NALF1: variants seen among roughly 807,000 people sequenced by gnomAD.
NALF1 encodes the protein NALCN channel auxiliary factor 1.
In NALF1, 3 loss-of-function variants were observed where a neutral mutation model predicts 48.4. The ratio of observed to expected loss-of-function variants is 0.06; its 90% CI spans 0.03 to 0.16. The LOEUF (loss-of-function observed/expected upper bound fraction) is 0.16. Ranked by LOEUF, NALF1 falls within the 10% of genes least tolerant of loss-of-function variation. The probability of loss-of-function intolerance (pLI) is 1.00; values close to 1 mark genes in which losing one functional copy is unlikely to be tolerated. For synonymous variants in NALF1, 262 were observed against 245.7 expected, an observed-to-expected ratio of 1.07 and a Z score of -0.62; for missense variants, 526 against 571.5, an observed-to-expected ratio of 0.92 and a Z score of 0.81.
At chr13:107,527,833 C>G (rs1876495741) in intron 1 of NALF1, among the ~76,000 whole-genome samples, 1 of 152,018 alleles carries the variant, frequency 6.6e-6, no homozygotes, top group South Asian at 2.1e-4. Context: ...GTGAAGCTTC[C>G]CCAGCCACGT....
At chr13:107,750,012 G>T (rs1373176613) in intron 1 of NALF1, among the ~76,000 whole-genome samples, 1 of 152,068 alleles carries the variant, frequency 6.6e-6, no homozygotes, top group Non-Finnish European at 1.5e-5. Flanking sequence ...TAGAGACAGG[G>T]TTTCACCATC....
chr13:107,228,738 G>C (rs1415812393), intron 1 of NALF1, among the ~76,000 whole-genome samples: 3 of 152,136 alleles, frequency 2.0e-5, no homozygotes, highest in Non-Finnish European at 4.4e-5. Context: ...TCCTGCCTCA[G>C]CCTCATGAGT....
intron 1 of NALF1, among the ~76,000 whole-genome samples, chr13:107,323,276 T>C (rs1200200736): frequency 6.6e-6 from 1 of 152,168 alleles, no homozygotes; most frequent in East Asian, 1.9e-4. Context: ...TTCCTCAGTG[T>C]CTGTTGAATA....
At chr13:107,304,377 A>G (rs1285358551) in intron 1 of NALF1, among the ~76,000 whole-genome samples, 1 of 152,244 alleles carries the variant, frequency 6.6e-6, no homozygotes, top group Non-Finnish European at 1.5e-5. Context: ...AAAGGAGACA[A>G]ATTCACTGAA....
At chr13:107,568,611 A>G (rs1259162152) in intron 1 of NALF1, among the ~76,000 whole-genome samples, 1 of 152,188 alleles carries the variant, frequency 6.6e-6, no homozygotes, top group Non-Finnish European at 1.5e-5. Flanking sequence ...CCAGCATTTA[A>G]TGTTATTCCT....
At position 107,364,612 on chromosome 13, in the gene NALF1, C is replaced by T. The variant is rs553280119; in HGVS notation, c.916-153857G>A. On this transcript the variant is annotated intron_variant, in intron 1 of 2. Coordinates refer to ENST00000375915, the MANE Select transcript of NALF1 (RefSeq NM_001080396.3). Reference sequence around the variant, plus strand: ...CAGTGCAGTGACTGCCATAGAGTACCGACCCAATACACCATGTGTTATAGA... The same window carrying T: ...CAGTGCAGTGACTGCCATAGAGTACTGACCCAATACACCATGTGTTATAGA... Among the ~76,000 whole-genome samples, 5 of 152,180 alleles carry T rather than the reference C, an allele frequency of 3.3e-5. No homozygotes were observed. In the South Asian group the frequency reaches 8.3e-4, roughly 25 times the overall value.
chr13:107,580,566 C>T (rs12864914), intron 1 of NALF1, among the ~76,000 whole-genome samples: 25,644 of 152,138 alleles, frequency 0.17, 2,505 homozygotes, highest in Middle Eastern at 0.27. Context: ...GTCCTCTTTA[C>T]TCTCTCATAT....
At chr13:107,429,102 T>A (rs1392393451) in intron 1 of NALF1, among the ~76,000 whole-genome samples, 1 of 151,998 alleles carries the variant, frequency 6.6e-6, no homozygotes, top group Non-Finnish European at 1.5e-5. Flanking sequence ...GTGGGTGGAT[T>A]ACCTGAGGTC....
intron 1 of NALF1, among the ~76,000 whole-genome samples, chr13:107,384,379 T>C (rs1883491125): frequency 6.6e-6 from 1 of 152,212 alleles, no homozygotes. Context: ...TGGCCTTTAG[T>C]TTTGCTTTTC....
At chr13:107,373,174 C>T (rs1377990299) in intron 1 of NALF1, among the ~76,000 whole-genome samples, 1 of 152,126 alleles carries the variant, frequency 6.6e-6, no homozygotes. Flanking sequence ...AATGTTGGGT[C>T]CCTGTTCTCT....
chr13:107,625,776 C>T (rs1341518291), intron 1 of NALF1, among the ~76,000 whole-genome samples: 2 of 152,068 alleles, frequency 1.3e-5, no homozygotes, highest in East Asian at 3.9e-4. Flanking sequence ...ACTACACCAA[C>T]AAAACCTGTT....
chr13:107,838,920 G>A (rs756361937), intron 1 of NALF1, among the ~76,000 whole-genome samples: 10 of 152,078 alleles, frequency 6.6e-5, no homozygotes, highest in Non-Finnish European at 1.3e-4. Context: ...TCTAGCAAGT[G>A]GAGGATTAAC....
At chr13:107,656,297 A>C (rs1242917425) in intron 1 of NALF1, among the ~76,000 whole-genome samples, 1 of 152,144 alleles carries the variant, frequency 6.6e-6, no homozygotes, top group Non-Finnish European at 1.5e-5. Flanking sequence ...CAAAGAACTC[A>C]AAATAATCAG....
chr13:107,646,242 C>T (rs547245247), intron 1 of NALF1, among the ~76,000 whole-genome samples: 54 of 151,650 alleles, frequency 3.6e-4, no homozygotes, highest in African/African-American at 1.2e-3. Context: ...TTAACACTTC[C>T]TATCCTGTAC....
intron 1 of NALF1, among the ~76,000 whole-genome samples, chr13:107,291,052 A>ACATTGTAC (rs1881610933): frequency 6.6e-6 from 1 of 151,488 alleles, no homozygotes; most frequent in South Asian, 2.1e-4. Context: ...TTAATTAACA[A>ACATTGTAC]CATTGTACCT....
intron 1 of NALF1, among the ~76,000 whole-genome samples, chr13:107,756,225 T>C (rs924336697): frequency 6.6e-6 from 1 of 152,090 alleles, no homozygotes. Flanking sequence ...CAAAACCAAA[T>C]GTTAATTCAC....
intron 1 of NALF1, among the ~76,000 whole-genome samples, chr13:107,473,951 G>A (rs1431660181): frequency 6.6e-6 from 1 of 152,076 alleles, no homozygotes; most frequent in African/African-American, 2.4e-5. Context: ...TATGAACAAG[G>A]AGTGTTAGGA....
intron 1 of NALF1, among the ~76,000 whole-genome samples, chr13:107,379,523 G>A (rs1252536071): frequency 1.3e-5 from 2 of 152,120 alleles, no homozygotes; most frequent in African/African-American, 2.4e-5. Context: ...TTGGGGCAAC[G>A]TCAAAGGAAT....
At chr13:107,818,662 G>C (rs985466029) in intron 1 of NALF1, among the ~76,000 whole-genome samples, 6 of 149,722 alleles carry the variant, frequency 4.0e-5, no homozygotes, top group African/African-American at 1.5e-4. Flanking sequence ...CACGAGGTCA[G>C]GAGATCGAGA....
Sources: gnomAD v4.1 joint callset for allele counts (sites outside exome capture counted in the v4.1 genomes callset) on GRCh38, gnomAD v4.1.1 for gene constraint, MANE v1.5 for transcripts, NCBI Gene and HGNC (gene_info 2026-07-23, HGNC 2026-07-21) for gene names.